Variants in RAB27A observed in about 807,000 individuals in gnomAD.
The protein encoded by RAB27A is RAB27A, member RAS oncogene family.
RAB27A carries 17 observed loss-of-function variants against 20.8 expected under a neutral mutation model. The ratio of observed to expected loss-of-function variants is 0.82; its 90% CI spans 0.56 to 1.23. RAB27A has a LOEUF of 1.23. Among genes scored for constraint, RAB27A ranks in the 50% most tolerant of loss-of-function variants. The pLI, the probability that RAB27A is intolerant of heterozygous loss-of-function variation, is 0.00. For missense variants in RAB27A, 277 were observed against 266.7 expected (o/e 1.04, Z -0.27); for synonymous variants, 85 against 92.8 (o/e 0.92, Z 0.48).
In RAB27A at chr15:55,205,255, TA is replaced by T. The variant is rs1423468979; in HGVS notation, c.*251del. 1.9e-6 allele frequency: 1 copy of T among 527,746 alleles called. No homozygotes were observed. The highest frequency in any genetic ancestry group is 1.9e-5 in the African/African-American group (1 of 52,424). 32.7% of individuals were successfully genotyped at this position (527,746 alleles called of 1,614,324 possible). A position where few individuals can be genotyped will look rare whatever the true frequency, so the allele number is the denominator to read the frequency against. On this transcript the variant is annotated 3_prime_UTR_variant, in exon 7 of 7. Coordinates refer to ENST00000336787, the MANE Select transcript of RAB27A (RefSeq NM_183235.3). ...TGAATCCTTGAATGATTTACTATAA[TA>T]GGCTAAGGTTGTATAAGGCACTTTT...
At chr15:55,306,884 G>C (rs1352768628) in intron 2 of RAB27A, among the ~76,000 whole-genome samples, 1 of 152,138 alleles carries the variant, frequency 6.6e-6, no homozygotes. Context: ...GAGGGCCATG[G>C]GGATTTACGA....
At chr15:55,241,844 A>G (rs1328338739) in intron 2 of RAB27A, among the ~76,000 whole-genome samples, 2 of 151,740 alleles carry the variant, frequency 1.3e-5, no homozygotes, top group African/African-American at 4.8e-5. Flanking sequence ...ATAACTGCAC[A>G]TGTACCCCTG....
chr15:55,220,141 T>C (rs1039088552), intron 6 of RAB27A, among the ~76,000 whole-genome samples: 2 of 152,212 alleles, frequency 1.3e-5, no homozygotes, highest in African/African-American at 4.8e-5. Flanking sequence ...CGCACTGTAG[T>C]GTTCTTTATT....
chr15:55,273,887 G>A (rs1366402572), intron 1 of RAB27A, among the ~76,000 whole-genome samples: 2 of 152,170 alleles, frequency 1.3e-5, no homozygotes, highest in African/African-American at 4.8e-5. Flanking sequence ...CAACATTATA[G>A]AACAAATGGA....
intron 2 of RAB27A, among the ~76,000 whole-genome samples, chr15:55,311,187 T>A (rs1239179556): frequency 6.6e-6 from 1 of 152,186 alleles, no homozygotes; most frequent in African/African-American, 2.4e-5. Flanking sequence ...CTTCTCTCAT[T>A]TGGAGCTAGT....
At chr15:55,249,417 G>C (rs115915482) in intron 2 of RAB27A, among the ~76,000 whole-genome samples, 14 of 152,194 alleles carry the variant, frequency 9.2e-5, no homozygotes, top group African/African-American at 3.1e-4. Context: ...TGGGATCACA[G>C]GTATGCACCA....
chr15:55,206,483 A>G (rs1194459707), intron 6 of RAB27A, among the ~76,000 whole-genome samples: 1 of 151,954 alleles, frequency 6.6e-6, no homozygotes, highest in African/African-American at 2.4e-5. Flanking sequence ...CTGGGACCAC[A>G]GGCGCACACC....
intron 2 of RAB27A, among the ~76,000 whole-genome samples, chr15:55,255,536 T>C (rs1323978681): frequency 6.6e-6 from 1 of 152,238 alleles, no homozygotes; most frequent in Non-Finnish European, 1.5e-5. Context: ...CTTTCTCTAA[T>C]AGCCTTTTCC....
intron 2 of RAB27A, among the ~76,000 whole-genome samples, chr15:55,302,766 A>AC (rs2054978437): frequency 8.1e-6 from 1 of 123,826 alleles, no homozygotes; most frequent in African/African-American, 3.6e-5. Flanking sequence ...CCCGGCCGAG[A>AC]CCCCGTCTGG....
chr15:55,299,498 G>A (rs1158757129), intron 2 of RAB27A, among the ~76,000 whole-genome samples: 1 of 151,652 alleles, frequency 6.6e-6, no homozygotes, highest in Non-Finnish European at 1.5e-5. Context: ...GAAGGCTGAG[G>A]CAGGAGAATT....
At chr15:55,289,381 G>C (rs934523288) in intron 1 of RAB27A, 1 of 152,348 alleles carries the variant, frequency 6.6e-6, no homozygotes, top group African/African-American at 2.4e-5. Flanking sequence ...ACCGGGGGGC[G>C]TGCGGGAGGT....
intron 1 of RAB27A, among the ~76,000 whole-genome samples, chr15:55,283,158 C>A (rs1369792557): frequency 6.6e-6 from 1 of 152,112 alleles, no homozygotes; most frequent in Admixed American, 6.6e-5. Context: ...GTTGGGGGCT[C>A]TCCTGTGTAC....
At chr15:55,228,746 C>T (rs1895916006) in intron 4 of RAB27A, 34 bp from the exon 5 acceptor site, 2 of 1,417,444 alleles carry the variant, frequency 1.4e-6, no homozygotes, top group Non-Finnish European at 2.0e-6. Flanking sequence ...TCAGTTAAAC[C>T]ACGGCCCCAC....
chr15:55,208,660 TC>T (rs1215578133), intron 6 of RAB27A, among the ~76,000 whole-genome samples: 2 of 84,630 alleles, frequency 2.4e-5, no homozygotes, highest in Non-Finnish European at 4.5e-5. Context: ...TTCCCACAAG[TC>T]CCTGGAAGAC....
chr15:55,239,418 T>C (rs1896392409), intron 2 of RAB27A, among the ~76,000 whole-genome samples: 1 of 152,218 alleles, frequency 6.6e-6, no homozygotes, highest in South Asian at 2.1e-4. Context: ...TAAAATTTTA[T>C]TTTTAAATTA....
At position 55,261,380 on chromosome 15, in the gene RAB27A, G is replaced by A. The variant is rs891785714; in HGVS notation, c.-23+8785C>T. Among the ~76,000 whole-genome samples, 199 of 151,656 alleles carry A rather than the reference G, an allele frequency of 1.3e-3. 1 individual carries two copies. The highest frequency in any genetic ancestry group is 4.7e-3 in the African/African-American group (195 of 41,326). ...CCACTGCACTCCAGCCTGGGTGACAGAGTTAGACTCTGTCTCAAAAAAAAA... is the reference window on the plus strand; with the variant it reads ...CCACTGCACTCCAGCCTGGGTGACAAAGTTAGACTCTGTCTCAAAAAAAAA... On this transcript the variant is annotated intron_variant, in intron 2 of 6. Coordinates refer to ENST00000336787, the MANE Select transcript of RAB27A (RefSeq NM_183235.3).
intron 6 of RAB27A, among the ~76,000 whole-genome samples, chr15:55,206,515 T>C (rs1183217417): frequency 6.6e-6 from 1 of 152,066 alleles, no homozygotes; most frequent in Non-Finnish European, 1.5e-5. Context: ...CTAATTATTG[T>C]ATTTTTTTGT....
At chr15:55,209,719 AATATATATACAC>A (rs1375524800) in intron 6 of RAB27A, among the ~76,000 whole-genome samples, 74 of 148,648 alleles carry the variant, frequency 5.0e-4, no homozygotes, top group African/African-American at 1.7e-3. Context: ...AACTTCCACT[AATATATATACAC>A]ATATATATAC....
intron 6 of RAB27A, among the ~76,000 whole-genome samples, chr15:55,217,109 A>C (rs956055692): frequency 6.6e-6 from 1 of 152,222 alleles, no homozygotes; most frequent in Non-Finnish European, 1.5e-5. Flanking sequence ...CTTTCAATTA[A>C]AAGTATACTT....
Sources: gnomAD v4.1 joint callset for allele counts (sites outside exome capture counted in the v4.1 genomes callset) on GRCh38, gnomAD v4.1.1 for gene constraint, MANE v1.5 for transcripts, NCBI Gene and HGNC (gene_info 2026-07-23, HGNC 2026-07-21) for gene names.